The following PXDNL variants were observed in gnomAD, a reference collection of about 807,000 sequenced individuals.
The protein encoded by PXDNL is peroxidasin like.
Under a neutral mutation model 150.8 loss-of-function variants are expected in PXDNL, and 145 were observed. The observed-to-expected ratio is 0.96, with a 90% CI of 0.84 to 1.10. The LOEUF is 1.10. PXDNL is among the 50% of genes least tolerant of loss of function. The probability of loss-of-function intolerance (pLI) is 0.00; values close to 1 mark genes in which losing one functional copy is unlikely to be tolerated. For missense variants in PXDNL, 2,087 were observed against 1,873.9 expected, an observed-to-expected ratio of 1.11 and a Z score of -2.10; for synonymous variants, 757 against 725.7, an observed-to-expected ratio of 1.04 and a Z score of -0.69.
At chr8:51,333,723 G>A (rs937212747) in intron 21 of PXDNL, among the ~76,000 whole-genome samples, 3 of 152,070 alleles carry the variant, frequency 2.0e-5, no homozygotes, top group Non-Finnish European at 4.4e-5. Flanking sequence ...GAGACAAAGA[G>A]GGACATTATA....
At chr8:51,591,009 A>G (rs1813431895) in intron 3 of PXDNL, among the ~76,000 whole-genome samples, 1 of 152,224 alleles carries the variant, frequency 6.6e-6, no homozygotes, top group South Asian at 2.1e-4. Flanking sequence ...TGATGGTATT[A>G]AGAGGAGGGA....
chr8:51,447,506 C>T (rs1386167191), intron 11 of PXDNL, among the ~76,000 whole-genome samples: 1 of 152,112 alleles, frequency 6.6e-6, no homozygotes, highest in East Asian at 1.9e-4. Context: ...TTTCAGATAT[C>T]TTCGTGACAG....
At chr8:51,356,465 G>A (rs1231209863) in intron 19 of PXDNL, among the ~76,000 whole-genome samples, 1 of 143,620 alleles carries the variant, frequency 7.0e-6, no homozygotes, top group African/African-American at 2.6e-5. Flanking sequence ...CTCCAGTGGT[G>A]ATAAGAGTGA....
intron 1 of PXDNL, among the ~76,000 whole-genome samples, chr8:51,735,548 T>G (rs202170829): frequency 0.065 from 591 of 9,042 alleles, 9 homozygotes; most frequent in South Asian, 0.1. Context: ...TTTTTTTTTT[T>G]TTTTTTTTTT....
intron 4 of PXDNL, among the ~76,000 whole-genome samples, chr8:51,535,972 A>G (rs1473067554): frequency 6.6e-6 from 1 of 152,180 alleles, no homozygotes. Flanking sequence ...GATCTGTGTA[A>G]AGCTGACCCC....
chr8:51,349,223 C>T (rs942469694), intron 19 of PXDNL, among the ~76,000 whole-genome samples: 3 of 151,912 alleles, frequency 2.0e-5, no homozygotes, highest in Admixed American at 2.0e-4. Context: ...GCCTTGGTTG[C>T]CCCCACCCTG....
chr8:51,627,703 C>T (rs1022215484), intron 2 of PXDNL, among the ~76,000 whole-genome samples: 2 of 152,154 alleles, frequency 1.3e-5, no homozygotes, highest in Admixed American at 6.5e-5. Flanking sequence ...AAAAAGACAG[C>T]TTATAAATTG....
At chr8:51,532,828 C>T (rs1332927122) in intron 4 of PXDNL, among the ~76,000 whole-genome samples, 1 of 151,874 alleles carries the variant, frequency 6.6e-6, no homozygotes, top group African/African-American at 2.4e-5. Flanking sequence ...ATAGAATAAG[C>T]TTTGTTCTCA....
intron 5 of PXDNL, among the ~76,000 whole-genome samples, chr8:51,488,910 A>G (rs1179678582): frequency 1.3e-5 from 2 of 152,242 alleles, no homozygotes; most frequent in Non-Finnish European, 2.9e-5. Flanking sequence ...CAATTATTAC[A>G]TGTACTCAGA....
rs113999364 is a variant in PXDNL, at chr8:51,333,458, G to T, written c.4146+6166C>A. ...TAAAAGCAAAAAACAAAGTATGCAG[G>T]CAACAAAGAGCACAATGAATGCAAC... On this transcript the variant is annotated intron_variant, in intron 21 of 22. Coordinates refer to ENST00000356297, the MANE Select transcript of PXDNL (RefSeq NM_144651.5). Among the ~76,000 whole-genome samples the T allele has an allele frequency of 4.6e-5, 7 of 152,010 alleles. No individual in the cohort carries two copies. The East Asian group carries it at 1.2e-3, about 25-fold the overall frequency.
chr8:51,383,190 A>AT (rs567768327), intron 17 of PXDNL, among the ~76,000 whole-genome samples: 183 of 152,030 alleles, frequency 1.2e-3, no homozygotes, highest in Non-Finnish European at 2.3e-3. Context: ...TGTCAATTCT[A>AT]TTTTTTTTAA....
At chr8:51,447,739 A>G (rs182963926) in intron 11 of PXDNL, among the ~76,000 whole-genome samples, 255 of 152,324 alleles carry the variant, frequency 1.7e-3, no homozygotes, top group African/African-American at 5.9e-3. Context: ...TGAGATTATA[A>G]TTTTCAACTA....
At chr8:51,678,373 C>T (rs536105940) in intron 1 of PXDNL, among the ~76,000 whole-genome samples, 16 of 152,036 alleles carry the variant, frequency 1.1e-4, no homozygotes, top group African/African-American at 3.1e-4. Context: ...TTGTGTGTCC[C>T]GAAGGTACTC....
intron 2 of PXDNL, among the ~76,000 whole-genome samples, chr8:51,612,034 T>TG (rs955798042): frequency 2.0e-5 from 3 of 152,202 alleles, no homozygotes; most frequent in Admixed American, 6.5e-5. Context: ...TTGAAAGCAC[T>TG]GGGGACTCAA....
chr8:51,635,858 T>C (rs981911096), intron 2 of PXDNL, among the ~76,000 whole-genome samples: 25 of 151,964 alleles, frequency 1.6e-4, no homozygotes, highest in Non-Finnish European at 3.2e-4. Context: ...ACTCTATGAG[T>C]TTAGTATTAG....
At chr8:51,531,479 A>G (rs1811905876) in intron 4 of PXDNL, among the ~76,000 whole-genome samples, 1 of 152,166 alleles carries the variant, frequency 6.6e-6, no homozygotes, top group Admixed American at 6.5e-5. Flanking sequence ...GGAGAATGGC[A>G]TGGTGCAGAG....
At chr8:51,783,170 T>C (rs2037431352) in intron 1 of PXDNL, among the ~76,000 whole-genome samples, 1 of 152,236 alleles carries the variant, frequency 6.6e-6, no homozygotes, top group African/African-American at 2.4e-5. Context: ...TTTCTTTTGC[T>C]ACAGGATAAA....
chr8:51,787,795 TA>T (rs369440684), intron 1 of PXDNL, among the ~76,000 whole-genome samples: 10 of 152,326 alleles, frequency 6.6e-5, no homozygotes, highest in African/African-American at 2.4e-4. Flanking sequence ...CTACTGTAGG[TA>T]AAATGCTATC....
chr8:51,610,407 A>G (rs911437501), intron 2 of PXDNL, among the ~76,000 whole-genome samples: 20 of 152,226 alleles, frequency 1.3e-4, no homozygotes, highest in Admixed American at 2.0e-4. Context: ...TACATTTGCT[A>G]TTATAATTCT....
Sources: gnomAD v4.1 joint callset for allele counts (sites outside exome capture counted in the v4.1 genomes callset) on GRCh38, gnomAD v4.1.1 for gene constraint, MANE v1.5 for transcripts, NCBI Gene and HGNC (gene_info 2026-07-23, HGNC 2026-07-21) for gene names.